Variants in GLI3 observed in about 807,000 individuals in gnomAD.
The protein encoded by GLI3 is GLI family zinc finger 3.
In GLI3, 20 loss-of-function variants were observed where a neutral mutation model predicts 100.8. That is an observed-to-expected ratio of 0.20 (90% CI 0.14 to 0.29). The LOEUF is 0.29. GLI3 is among the 10% of genes least tolerant of loss of function. The pLI is 1.00. For missense variants in GLI3, 2,040 were observed against 2,128.5 expected (o/e 0.96, Z 0.82); for synonymous variants, 938 against 860.5 (o/e 1.09, Z -1.58).
intron 1 of GLI3, among the ~76,000 whole-genome samples, chr7:42,257,181 A>G (rs1014535601): frequency 6.6e-6 from 1 of 152,136 alleles, no homozygotes; most frequent in African/African-American, 2.4e-5. Flanking sequence ...TTTTCTACAT[A>G]CAAAATTATG....
At chr7:41,990,105 G>T (rs1283734411) in intron 10 of GLI3, among the ~76,000 whole-genome samples, 4 of 144,332 alleles carry the variant, frequency 2.8e-5, no homozygotes, top group Non-Finnish European at 4.5e-5. Flanking sequence ...TTAACTGTAG[G>T]GTGATTAATG....
intron 1 of GLI3, among the ~76,000 whole-genome samples, chr7:42,249,437 A>G (rs1193177312): frequency 6.6e-6 from 1 of 152,202 alleles, no homozygotes; most frequent in African/African-American, 2.4e-5. Flanking sequence ...GTCACCTTAC[A>G]AAAACAGGTG....
rs369640720 is a variant in GLI3 at position 42,060,395 on chromosome 7, A to G, written c.474-11699T>C. Among the ~76,000 whole-genome samples the G allele has an allele frequency of 1.3e-4, 20 of 152,308 alleles. No individual in the cohort carries two copies. The East Asian group carries it at 2.5e-3, about 19-fold the overall frequency. ...CCCATCTCATGTTTTCTCCTAACAG[A>G]TAGATTAAGCGATTTGATTTACCTT... On this transcript the variant is annotated intron_variant, in intron 4 of 14. Coordinates refer to ENST00000395925, the MANE Select transcript of GLI3 (RefSeq NM_000168.6).
Position 42,023,461 on chromosome 7 carries a change from C to T in GLI3, c.1497+7G>A. 1 of 1,614,130 alleles carries T rather than the reference C, an allele frequency of 6.2e-7. No homozygotes were observed. The highest frequency in any genetic ancestry group is 2.2e-5 in the East Asian group (1 of 44,876). ...TAAAGCTCGGTTCCTGAATACCATC[C>T]ACTTACGTGCACAAGCTGCTCTTGG... On this transcript the variant is annotated splice_region_variant and intron_variant, in intron 10 of 14. Coordinates refer to ENST00000395925, the MANE Select transcript of GLI3 (RefSeq NM_000168.6).
At position 42,025,374 on chromosome 7, in the gene GLI3, T is replaced by C. The variant is rs377001582; in HGVS notation, c.1246A>G (p.Lys416Glu). 6.2e-7 allele frequency: 1 copy of C among 1,610,426 alleles called. No homozygotes were observed. The change falls in exon 9 of 15, where the codon AAG (lysine) becomes GAG (glutamate). Residue 416 changes from lysine (K) to glutamate (E), a missense_variant. Transcript: ENST00000395925. ...SSGPSESSQN[K>E]PTSESAVSST... Reference sequence around the variant, plus strand: ...CTCACTGCAGACTCACTCGTGGGCTTGTTCTGCTGGTCACATTTGCAGAGC... The same window carrying C: ...CTCACTGCAGACTCACTCGTGGGCTCGTTCTGCTGGTCACATTTGCAGAGC...
At chr7:41,987,571 G>A (rs1160499370) in intron 10 of GLI3, among the ~76,000 whole-genome samples, 1 of 152,166 alleles carries the variant, frequency 6.6e-6, no homozygotes, top group Non-Finnish European at 1.5e-5. Flanking sequence ...GTATTCCTCT[G>A]TCCTCATCGT....
intron 10 of GLI3, among the ~76,000 whole-genome samples, chr7:42,008,335 A>G (rs1788515916): frequency 6.6e-6 from 1 of 152,212 alleles, no homozygotes; most frequent in African/African-American, 2.4e-5. Flanking sequence ...GACAAGCTGG[A>G]TGCAGCTCCC....
At chr7:42,204,540 C>A (rs1225179593) in intron 2 of GLI3, among the ~76,000 whole-genome samples, 1 of 152,222 alleles carries the variant, frequency 6.6e-6, no homozygotes, top group Non-Finnish European at 1.5e-5. Flanking sequence ...GCAGGCCCCA[C>A]ATTTTGTTAT....
intron 2 of GLI3, among the ~76,000 whole-genome samples, chr7:42,165,062 G>A (rs1399258879): frequency 6.6e-6 from 1 of 151,414 alleles, no homozygotes; most frequent in African/African-American, 2.4e-5. Flanking sequence ...ATCACTTGAG[G>A]TCAAGAGTTC....
chr7:42,250,740 G>A (rs1017914447), intron 1 of GLI3, among the ~76,000 whole-genome samples: 6 of 152,196 alleles, frequency 3.9e-5, no homozygotes, highest in Admixed American at 6.5e-5. Flanking sequence ...GCAGCTGGGT[G>A]GATTTGTATG....
chr7:42,179,041 T>C (rs1011595391), intron 2 of GLI3, among the ~76,000 whole-genome samples: 2 of 150,838 alleles, frequency 1.3e-5, no homozygotes, highest in Non-Finnish European at 3.0e-5. Flanking sequence ...TCCACCTAAA[T>C]CTCATCTTGA....
At chr7:42,123,927 T>C (rs912156668) in intron 3 of GLI3, among the ~76,000 whole-genome samples, 7 of 152,228 alleles carry the variant, frequency 4.6e-5, no homozygotes, top group African/African-American at 1.7e-4. Flanking sequence ...GCCAAGATGC[T>C]ACATGGTCAC....
intron 3 of GLI3, among the ~76,000 whole-genome samples, chr7:42,136,502 G>A (rs1441335003): frequency 1.3e-4 from 20 of 152,314 alleles, no homozygotes; most frequent in South Asian, 6.2e-4. Context: ...TATGGCCTGT[G>A]GTGGTGATTA....
chr7:42,031,084 C>T (rs944486304), intron 7 of GLI3, among the ~76,000 whole-genome samples: 2 of 152,162 alleles, frequency 1.3e-5, no homozygotes, highest in African/African-American at 4.8e-5. Context: ...CAGTCTAAAC[C>T]TTGGTACCTG....
At chr7:42,128,726 T>TA (rs1382295856) in intron 3 of GLI3, among the ~76,000 whole-genome samples, 1 of 152,160 alleles carries the variant, frequency 6.6e-6, no homozygotes, top group Non-Finnish European at 1.5e-5. Context: ...GGTATGTCAG[T>TA]ATTTTTTTTT....
At chr7:42,110,946 C>T (rs1403179768) in intron 3 of GLI3, among the ~76,000 whole-genome samples, 2 of 152,154 alleles carry the variant, frequency 1.3e-5, no homozygotes, top group African/African-American at 4.8e-5. Flanking sequence ...GAGTCCAGAA[C>T]AGCACGAGCT....
intron 2 of GLI3, among the ~76,000 whole-genome samples, chr7:42,166,921 G>T (rs1028180898): frequency 2.0e-5 from 3 of 151,884 alleles, no homozygotes; most frequent in African/African-American, 7.3e-5. Flanking sequence ...TGCCTCCGGG[G>T]TTTGAGCAAT....
chr7:42,116,539 G>A (rs139122070), intron 3 of GLI3, among the ~76,000 whole-genome samples: 2 of 151,676 alleles, frequency 1.3e-5, no homozygotes, highest in Non-Finnish European at 2.9e-5. Flanking sequence ...TAAATACGTG[G>A]GGATCTGTTT....
chr7:42,215,011 GA>G (rs1204165970), intron 2 of GLI3, among the ~76,000 whole-genome samples: 1 of 152,100 alleles, frequency 6.6e-6, no homozygotes, highest in Non-Finnish European at 1.5e-5. Flanking sequence ...TTGCTAACAG[GA>G]CCCAGAAGAA....
Sources: allele counts gnomAD v4.1 joint callset (sites outside exome capture counted in the v4.1 genomes callset), GRCh38; gene constraint gnomAD v4.1.1; transcripts MANE v1.5; gene names NCBI Gene and HGNC (gene_info 2026-07-23, HGNC 2026-07-21).